The following MYPOP variants were observed in gnomAD, a reference collection of about 807,000 sequenced individuals.
MYPOP encodes the protein Myb related transcription factor, partner of profilin, also known as myb-related transcription factor, partner of profilin.
MYPOP carries 21 observed loss-of-function variants against 25.7 expected under a neutral mutation model. That is an observed-to-expected ratio of 0.82 (90% confidence interval 0.58 to 1.18). The LOEUF is 1.18. Among genes scored for constraint, MYPOP ranks in the 50% most tolerant of loss-of-function variants. MYPOP has a pLI of 0.00. For synonymous variants in MYPOP, 280 were observed against 247.9 expected (o/e 1.13, Z -1.22); for missense variants, 566 against 588.3 (o/e 0.96, Z 0.39).
At chr19:45,892,216 C>T (rs1436301452) in intron 2 of MYPOP, among the ~76,000 whole-genome samples, 3 of 152,258 alleles carry the variant, frequency 2.0e-5, no homozygotes, top group African/African-American at 4.8e-5. Flanking sequence ...CCACTGCGCT[C>T]GGACAAGGGC....
At chr19:45,897,265 A>G (rs1967219860) in intron 2 of MYPOP, among the ~76,000 whole-genome samples, 1 of 149,772 alleles carries the variant, frequency 6.7e-6, no homozygotes, top group Non-Finnish European at 1.5e-5. Context: ...GTTTCACCAC[A>G]TTGGCCAGGC....
chr19:45,893,440 T>G (rs2146376286), intron 2 of MYPOP, among the ~76,000 whole-genome samples: 1 of 151,116 alleles, frequency 6.6e-6, no homozygotes, highest in Non-Finnish European at 1.5e-5. Flanking sequence ...TGGTGGTGCA[T>G]GCCTGTAATC....
chr19:45,900,257 C>A (rs1967267434), intron 2 of MYPOP, among the ~76,000 whole-genome samples: 1 of 152,178 alleles, frequency 6.6e-6, no homozygotes, highest in Non-Finnish European at 1.5e-5. Flanking sequence ...CAAAATGTTA[C>A]TTTTCTTCAA....
Position 45,901,207 on chromosome 19 carries a change from AG to A in MYPOP, c.499+67del. On this transcript the variant is annotated intron_variant, in intron 2 of 2. Transcript: ENST00000322217. The surrounding 1 kb of genome is among the most constrained non-coding windows in gnomAD (Gnocchi z 5.7). ...GCATCCACCTCACAGGGCTGCAGCA[AG>A]GCTTTGATGAGACATGTAAAAGGCT... 1.5e-6 allele frequency: 2 copies of A among 1,346,236 alleles called. No individual in the cohort carries two copies. The highest frequency in any genetic ancestry group is 3.7e-5 in the South Asian group (2 of 54,362). 83.4% of individuals were successfully genotyped at this position (1,346,236 alleles called of 1,614,324 possible). A position where few individuals can be genotyped will look rare whatever the true frequency, so the allele number is the denominator to read the frequency against.
In MYPOP at chr19:45,890,501, T is replaced by C; in HGVS notation, c.*122A>G. 1.4e-6 allele frequency: 2 copies of C among 1,438,378 alleles called. No homozygotes were observed. Among genetic ancestry groups the C allele is most frequent in the South Asian group, 1.4e-5 (1 of 71,682 alleles). The allele number at this position is 1,438,378 out of a possible 1,614,324, so 89.1% of individuals were successfully genotyped here. On this transcript the variant is annotated 3_prime_UTR_variant, in exon 3 of 3. Coordinates refer to ENST00000322217, the MANE Select transcript of MYPOP (RefSeq NM_001012643.4). Reference sequence around the variant, plus strand: ...ATCAGGCACTAACTAGCACAGGGAGTGGGTGCTCACATCCCTGGAGCAGGG... The same window carrying C: ...ATCAGGCACTAACTAGCACAGGGAGCGGGTGCTCACATCCCTGGAGCAGGG...
Position 45,901,377 on chromosome 19 carries a change from C to T in MYPOP, c.397G>A (p.Ala133Thr). Residue 133 changes from alanine (A) to threonine (T), a missense_variant, in exon 2 of 3, where the codon GCG becomes ACG. Transcript: ENST00000322217. This position sits in a 1 kb window ranked among gnomAD's most constrained non-coding sequence, Gnocchi z 5.7. ...GVAAPGAGAG[A>T]EEPPAAPSSQ... The stretch of plus-strand genomic sequence containing the variant: ...GAGGGGGCCGCAGGGGGCTCCTCCG[C>T]CCCAGCACCTGCCCCCGGCGCCGCC... 6.7e-7 allele frequency: 1 copy of T among 1,500,364 alleles called. No individual in the cohort carries two copies. 92.9% of individuals were successfully genotyped at this position (1,500,364 alleles called of 1,614,324 possible).
chr19:45,895,053 G>A (rs1256785251), intron 2 of MYPOP, among the ~76,000 whole-genome samples: 1 of 152,092 alleles, frequency 6.6e-6, no homozygotes, highest in East Asian at 1.9e-4. Context: ...ACACAAGTCA[G>A]ATATTGTTTC....
Position 45,901,291 on chromosome 19 carries a change from C to T in MYPOP, c.483G>A (p.Arg161=). ...PQRYVLSEDR[R]EDRRADTSAH... is the part of the protein sequence containing the mutation. The stretch of plus-strand genomic sequence containing the variant: ...GACACTCACCTGCACGTCGGTCCTC[C>T]CGGCGGTCTTCCGACAACACGTAGC... Residue 161 remains arginine (R), a synonymous_variant, in exon 2 of 3, where the codon CGG becomes CGA. Coordinates refer to ENST00000322217, the MANE Select transcript of MYPOP (RefSeq NM_001012643.4). This position sits in a 1 kb window ranked among gnomAD's most constrained non-coding sequence, Gnocchi z 5.7. 1 of 1,452,594 alleles carries T rather than the reference C, an allele frequency of 6.9e-7. No homozygotes were observed. The highest frequency in any genetic ancestry group is 1.5e-5 in the South Asian group (1 of 67,788). The allele number at this position is 1,452,594 out of a possible 1,614,324, so 90.0% of individuals were successfully genotyped here.
rs745541041 is a variant in MYPOP, at chr19:45,901,581, C to A, written c.193G>T (p.Gly65Cys). ...VWDGIAAKIN[G>C]ITSWKRTGQE... ...CCCGTGCGCTTCCAGCTGGTGATAC[C>A]GTTGATCTTGGCGGCGATGCCGTCC... is the stretch of plus-strand genomic sequence containing the variant. The change falls in exon 2 of 3, where the codon GGT becomes TGT. Residue 65 changes from glycine (G) to cysteine (C), a missense_variant. By Grantham distance (159) the Gly-to-Cys change is radical. Transcript: ENST00000322217. The surrounding 1 kb of genome is among the most constrained non-coding windows in gnomAD (Gnocchi z 5.7). 1 of 1,612,012 alleles carries A rather than the reference C, an allele frequency of 6.2e-7. No homozygotes were observed. The highest frequency in any genetic ancestry group is 1.1e-5 in the South Asian group (1 of 90,960).
Position 45,891,290 on chromosome 19 carries a change from C to T in MYPOP, c.533G>A (p.Ser178Asn), listed in dbSNP as rs1568641568. The T allele has an allele frequency of 6.5e-7, 1 of 1,541,916 alleles. No individual in the cohort carries two copies. Among genetic ancestry groups the T allele is most frequent in the Non-Finnish European group, 8.7e-7 (1 of 1,151,098 alleles). Residue 178 changes from serine (S) to asparagine (N), a missense_variant, in exon 3 of 3, where the codon AGC (serine) becomes AAC (asparagine). By Grantham distance (46) the Ser-to-Asn change is conservative (BLOSUM62 1). Transcript: ENST00000322217. Reference sequence around the variant, plus strand: ...GGAGGGCCGGGCCCATGGCTCCGGGCTGCTGGAGCCCGCCTTGCTGTGGGC... The same window carrying T: ...GGAGGGCCGGGCCCATGGCTCCGGGTTGCTGGAGCCCGCCTTGCTGTGGGC... Reference protein sequence around the residue: ...TSAHSKAGSSSPEPWARPSCT... With the variant: ...TSAHSKAGSSNPEPWARPSCT...
At chr19:45,899,175 G>A (rs543769753) in intron 2 of MYPOP, among the ~76,000 whole-genome samples, 5 of 152,232 alleles carry the variant, frequency 3.3e-5, no homozygotes, top group South Asian at 2.1e-4. Context: ...GCGGTGAGCC[G>A]AGATTGCGCC....
At chr19:45,895,771 G>A (rs985916186) in intron 2 of MYPOP, among the ~76,000 whole-genome samples, 3 of 152,126 alleles carry the variant, frequency 2.0e-5, no homozygotes, top group African/African-American at 4.8e-5. Flanking sequence ...CCACGGCTAT[G>A]GGGCCTCAGC....
intron 2 of MYPOP, among the ~76,000 whole-genome samples, chr19:45,892,595 C>T (rs1165635409): frequency 6.6e-6 from 1 of 152,054 alleles, no homozygotes; most frequent in African/African-American, 2.4e-5. Flanking sequence ...TTCTGATCCT[C>T]CCCCACCCTG....
chr19:45,893,989 C>T (rs1253274065), intron 2 of MYPOP, among the ~76,000 whole-genome samples: 2 of 151,052 alleles, frequency 1.3e-5, no homozygotes, highest in Admixed American at 1.3e-4. Context: ...CGGGGTTTCA[C>T]TGTGTTAGCC....
chr19:45,894,771 C>T (rs2146377635), intron 2 of MYPOP, among the ~76,000 whole-genome samples: 1 of 143,272 alleles, frequency 7.0e-6, no homozygotes, highest in East Asian at 2.1e-4. Flanking sequence ...CAGGCTGGAG[C>T]TCAGTGGTGC....
In MYPOP at chr19:45,890,991, C is replaced by T. The variant is rs558732788; in HGVS notation, c.832G>A (p.Gly278Ser). 3.2e-5 allele frequency: 48 copies of T among 1,518,524 alleles called. No individual in the cohort carries two copies. The East Asian group carries it at 6.5e-4, about 21-fold the overall frequency. 94.1% of individuals were successfully genotyped at this position (1,518,524 alleles called of 1,614,324 possible). The change falls in exon 3 of 3, where the codon GGC (glycine) becomes AGC (serine). Residue 278 changes from glycine to serine, a missense_variant. Gly to Ser is a moderately conservative substitution (Grantham distance 56). Transcript: ENST00000322217. ...TTGGCCAGTCCCTGTCGAAGGGTGC[C>T]GGCCAGCTCCCGGATGGCGTTGGCA... ...ETANAIRELA[G>S]TLRQGLAKLS...
intron 2 of MYPOP, among the ~76,000 whole-genome samples, chr19:45,896,010 G>A (rs1227328098): frequency 6.6e-6 from 1 of 152,156 alleles, no homozygotes; most frequent in African/African-American, 2.4e-5. Flanking sequence ...CAACCATCCA[G>A]GCCGGGTGCG....
chr19:45,897,150 A>G (rs1400148036), intron 2 of MYPOP, among the ~76,000 whole-genome samples: 3 of 144,718 alleles, frequency 2.1e-5, no homozygotes, highest in Non-Finnish European at 4.5e-5. Context: ...TGCAATTTCT[A>G]CCTCCCAGTG....
At chr19:45,899,739 C>A (rs1300681836) in intron 2 of MYPOP, among the ~76,000 whole-genome samples, 1 of 151,972 alleles carries the variant, frequency 6.6e-6, no homozygotes, top group Admixed American at 6.6e-5. Flanking sequence ...ACTCAGGAGG[C>A]TGAGGCAGGA....
Sources: gnomAD v4.1 joint callset for allele counts (sites outside exome capture counted in the v4.1 genomes callset) on GRCh38, gnomAD v4.1.1 for gene constraint, Gnocchi (gnomAD v3.1) non-coding constraint, MANE v1.5 for transcripts, NCBI Gene and HGNC (gene_info 2026-07-23, HGNC 2026-07-21) for gene names.